Variants in LOC400499 observed in about 807,000 individuals in gnomAD.
the LOC400499 span, among the ~76,000 whole-genome samples, chr16:11,518,067 G>T: frequency 6.6e-6 from 1 of 152,134 alleles, no homozygotes; most frequent in African/African-American, 2.4e-5. Flanking sequence ...TCCCAGAATA[G>T]CAAGTGGCAG....
the LOC400499 span, among the ~76,000 whole-genome samples, chr16:11,509,926 C>T: frequency 6.8e-6 from 1 of 146,374 alleles, no homozygotes. Context: ...GAAGAGTATA[C>T]TGGAAGCCAG....
the LOC400499 span, chr16:11,425,097 G>T: frequency 2.5e-6 from 1 of 398,998 alleles, no homozygotes; most frequent in Non-Finnish European, 4.4e-6. Flanking sequence ...CTTGGAGGAA[G>T]CTGTTCTGCC....
chr16:11,384,501 A>C, the LOC400499 span, among the ~76,000 whole-genome samples: 9 of 152,086 alleles, frequency 5.9e-5, no homozygotes, highest in African/African-American at 2.2e-4. Context: ...GTAAACCCTC[A>C]TCAGAGGAGG....
the LOC400499 span, among the ~76,000 whole-genome samples, chr16:11,519,419 C>T: frequency 2.0e-5 from 3 of 151,950 alleles, no homozygotes. Flanking sequence ...AAAATATCCT[C>T]CCTAAATAAC....
At chr16:11,440,042 G>A in the LOC400499 span, among the ~76,000 whole-genome samples, 1 of 152,082 alleles carries the variant, frequency 6.6e-6, no homozygotes, top group African/African-American at 2.4e-5. Context: ...GTTAACAGTG[G>A]AACTTGGAAT....
the LOC400499 span, among the ~76,000 whole-genome samples, chr16:11,380,110 C>CT: frequency 2.0e-5 from 3 of 152,090 alleles, no homozygotes; most frequent in Non-Finnish European, 4.4e-5. Context: ...ACCATGCCTA[C>CT]TTTTTTTCAC....
At chr16:11,507,104 C>T in the LOC400499 span, among the ~76,000 whole-genome samples, 1 of 152,212 alleles carries the variant, frequency 6.6e-6, no homozygotes, top group East Asian at 1.9e-4. Context: ...TGAGCCACCC[C>T]TGCCAGGGGA....
the LOC400499 span, among the ~76,000 whole-genome samples, chr16:11,427,288 CGG>C: frequency 1.9e-4 from 25 of 128,420 alleles, no homozygotes; most frequent in African/African-American, 7.3e-4. Context: ...GCAGAGGTTG[CGG>C]TAAGCTGAGA....
chr16:11,396,414 G>T, the LOC400499 span: 1 of 1,151,158 alleles, frequency 8.7e-7, no homozygotes, highest in Non-Finnish European at 1.1e-6. Flanking sequence ...AGATGGCGGG[G>T]CCGCCCAGGC....
At chr16:11,428,571 G>A in the LOC400499 span, among the ~76,000 whole-genome samples, 5 of 152,276 alleles carry the variant, frequency 3.3e-5, no homozygotes, top group African/African-American at 4.8e-5. Flanking sequence ...TAATGAGAAC[G>A]AACAGAGGAC....
the LOC400499 span, among the ~76,000 whole-genome samples, chr16:11,436,378 T>G: frequency 1.3e-5 from 2 of 151,984 alleles, no homozygotes; most frequent in African/African-American, 2.4e-5. Flanking sequence ...GGTGAACATG[T>G]AGCTAGTCCC....
At chr16:11,489,828 C>T in the LOC400499 span, among the ~76,000 whole-genome samples, 45,387 of 152,070 alleles carry the variant, frequency 0.3, 7,312 homozygotes, top group Admixed American at 0.42. Context: ...TCACATCAGA[C>T]TTTTAAATGT....
the LOC400499 span, chr16:11,446,816 C>A: frequency 3.9e-6 from 6 of 1,536,134 alleles, no homozygotes; most frequent in Non-Finnish European, 5.2e-6. Context: ...TTCAGGACAA[C>A]CCTAGTCTCC....
the LOC400499 span, chr16:11,472,037 G>A: frequency 2.6e-6 from 1 of 386,022 alleles, no homozygotes; most frequent in Non-Finnish European, 4.6e-6. Context: ...TTATTTGGGG[G>A]CTGTCCTGTG....
At chr16:11,449,149 C>T in the LOC400499 span, 1 of 1,356,288 alleles carries the variant, frequency 7.4e-7, no homozygotes, top group Non-Finnish European at 9.7e-7. Context: ...TTTGCACACC[C>T]TATTTCCTCC....
chr16:11,464,271 T>C, the LOC400499 span, among the ~76,000 whole-genome samples: 8 of 152,258 alleles, frequency 5.3e-5, no homozygotes, highest in African/African-American at 1.9e-4. Flanking sequence ...CTCTCCACTC[T>C]GCTCCCAGCT....
At chr16:11,392,065 C>T in the LOC400499 span, 7 of 399,698 alleles carry the variant, frequency 1.8e-5, no homozygotes, top group African/African-American at 6.2e-5. Flanking sequence ...CTCTTCCAGC[C>T]GGGCTTGCAC....
the LOC400499 span, among the ~76,000 whole-genome samples, chr16:11,524,974 C>T: frequency 1.3e-5 from 2 of 152,192 alleles, no homozygotes; most frequent in Admixed American, 6.5e-5. Context: ...CACTTGCTGA[C>T]CTGTTTAATC....
chr16:11,473,073 G>C, the LOC400499 span: 1 of 151,492 alleles, frequency 6.6e-6, no homozygotes, highest in Non-Finnish European at 1.5e-5. Flanking sequence ...CCGAGATTGC[G>C]CCACTGCACT....
Sources: allele counts gnomAD v4.1 joint callset (sites outside exome capture counted in the v4.1 genomes callset), GRCh38; gene constraint gnomAD v4.1.1; transcripts MANE v1.5.